The following PARN variants were observed in gnomAD, a reference collection of about 807,000 sequenced individuals.
The protein encoded by PARN is poly(A)-specific ribonuclease PARN.
A neutral mutation model predicts 102.8 loss-of-function variants in PARN; 71 were observed. The observed-to-expected ratio is 0.69, with a 90% CI of 0.57 to 0.84. PARN has a LOEUF of 0.84. PARN is among the 40% of genes least tolerant of loss of function. The pLI is 0.00. For synonymous variants in PARN, 261 were observed against 252.9 expected, an observed-to-expected ratio of 1.03 and a Z score of -0.30; for missense variants, 782 against 760.9, an observed-to-expected ratio of 1.03 and a Z score of -0.33.
intron 18 of PARN, among the ~76,000 whole-genome samples, chr16:14,567,677 C>T (rs1327767219): frequency 1.3e-5 from 2 of 152,186 alleles, no homozygotes; most frequent in Non-Finnish European, 2.9e-5. Context: ...TCCTTCCTGC[C>T]TTCCCTGACC....
chr16:14,572,317 G>A (rs1968860837), intron 18 of PARN, among the ~76,000 whole-genome samples: 1 of 152,078 alleles, frequency 6.6e-6, no homozygotes. Flanking sequence ...GTCCGTTACT[G>A]GCGAGAGGGC....
intron 21 of PARN, among the ~76,000 whole-genome samples, chr16:14,510,466 A>G (rs1965126115): frequency 6.6e-6 from 1 of 152,236 alleles, no homozygotes; most frequent in Admixed American, 6.5e-5. Flanking sequence ...AAGTGCCTAC[A>G]CTGAACCACA....
At chr16:14,563,529 A>ATAT (rs1968229922) in intron 18 of PARN, among the ~76,000 whole-genome samples, 1 of 126,114 alleles carries the variant, frequency 7.9e-6, no homozygotes, top group African/African-American at 3.1e-5. Context: ...TGTGTATATA[A>ATAT]TTCTTTTAAG....
chr16:14,510,751 A>T (rs1965144244), intron 21 of PARN, among the ~76,000 whole-genome samples: 1 of 152,236 alleles, frequency 6.6e-6, no homozygotes. Context: ...CCCAGGACAG[A>T]AGTCCTGCCA....
At chr16:14,453,712 A>C (rs1348284485) in intron 22 of PARN, among the ~76,000 whole-genome samples, 1 of 151,662 alleles carries the variant, frequency 6.6e-6, no homozygotes, top group Non-Finnish European at 1.5e-5. Flanking sequence ...CTTTTGTTTG[A>C]CTCTTTTCAC....
At chr16:14,586,135 C>T (rs1230601344) in intron 14 of PARN, among the ~76,000 whole-genome samples, 183 bp downstream of exon 14, 1 of 151,838 alleles carries the variant, frequency 6.6e-6, no homozygotes, top group Admixed American at 6.6e-5. Flanking sequence ...TCCCACCACA[C>T]CCAGCTAATT....
chr16:14,484,292 G>A (rs1204608368), intron 21 of PARN, among the ~76,000 whole-genome samples: 1 of 152,196 alleles, frequency 6.6e-6, no homozygotes, highest in Non-Finnish European at 1.5e-5. Context: ...GGATCACGAT[G>A]GCGGCATGGG....
At chr16:14,583,295 A>G (rs914255003) in intron 16 of PARN, among the ~76,000 whole-genome samples, 13 of 152,238 alleles carry the variant, frequency 8.5e-5, no homozygotes, top group African/African-American at 3.1e-4. Flanking sequence ...CTGGAAATGA[A>G]TGTCAGGAAG....
intron 18 of PARN, among the ~76,000 whole-genome samples, chr16:14,569,406 G>A (rs987466693): frequency 6.6e-6 from 1 of 152,070 alleles, no homozygotes; most frequent in African/African-American, 2.4e-5. Flanking sequence ...TGGAGATTAT[G>A]ATCTACAGTT....
chr16:14,623,836 CAA>C (rs1245560307), intron 5 of PARN, among the ~76,000 whole-genome samples: 14 of 108,298 alleles, frequency 1.3e-4, no homozygotes, highest in Admixed American at 2.0e-4. Flanking sequence ...GGCTCCATCT[CAA>C]AAAAAAAAAA....
chr16:14,553,898 T>C (rs1445173137), intron 20 of PARN, among the ~76,000 whole-genome samples, 167 bp downstream of exon 20: 1 of 152,222 alleles, frequency 6.6e-6, no homozygotes, highest in Non-Finnish European at 1.5e-5. Flanking sequence ...CAGATGATAT[T>C]AGCACAAAGA....
chr16:14,438,443 G>C (rs539602393), intron 23 of PARN, among the ~76,000 whole-genome samples: 21 of 143,866 alleles, frequency 1.5e-4, no homozygotes, highest in Admixed American at 1.3e-3. Context: ...CCATTAGTTG[G>C]GGGGGGGGGT....
chr16:14,593,922 G>A (rs928065619), intron 12 of PARN, among the ~76,000 whole-genome samples: 11 of 151,818 alleles, frequency 7.2e-5, no homozygotes, highest in African/African-American at 1.9e-4. Flanking sequence ...GCTGGAACCC[G>A]GGAGGCAGAG....
At chr16:14,440,788 C>T (rs1284481195) in intron 23 of PARN, among the ~76,000 whole-genome samples, 2 of 152,158 alleles carry the variant, frequency 1.3e-5, no homozygotes, top group East Asian at 3.8e-4. Context: ...AGGTATATGA[C>T]ATTCTGGAAA....
At chr16:14,444,461 A>G (rs1596427278) in intron 23 of PARN, among the ~76,000 whole-genome samples, 1 of 152,220 alleles carries the variant, frequency 6.6e-6, no homozygotes, top group Non-Finnish European at 1.5e-5. Flanking sequence ...AATAACTTAT[A>G]GAAAGTTTTC....
At chr16:14,527,937 G>C (rs759845037) in intron 21 of PARN, among the ~76,000 whole-genome samples, 2 of 152,198 alleles carry the variant, frequency 1.3e-5, no homozygotes, top group African/African-American at 4.8e-5. Flanking sequence ...AGCTTTGGCT[G>C]GAAGCACATG....
intron 18 of PARN, among the ~76,000 whole-genome samples, chr16:14,563,699 CTTT>C (rs748320042): frequency 7.5e-6 from 1 of 132,670 alleles, no homozygotes. Flanking sequence ...CCGCACCTGG[CTTT>C]TTTTTTTTTT....
rs534594883 is a variant in PARN, at chr16:14,538,750, G to A, written c.1480+13271C>T. On this transcript the variant is annotated intron_variant, in intron 21 of 23. Coordinates refer to ENST00000437198, the MANE Select transcript of PARN (RefSeq NM_002582.4). ...ATGTTCCCTGGCATGTTAGGAACCAGGCTGCACAGCAGGAGATGAGCAGCA... is the reference window on the plus strand; with the variant it reads ...ATGTTCCCTGGCATGTTAGGAACCAAGCTGCACAGCAGGAGATGAGCAGCA... Among the ~76,000 whole-genome samples the A allele has an allele frequency of 1.6e-4, 25 of 152,288 alleles. No homozygotes were observed. The South Asian group carries it at 5.0e-3, about 30-fold the overall frequency.
intron 18 of PARN, among the ~76,000 whole-genome samples, chr16:14,561,799 C>A (rs895665014): frequency 1.3e-5 from 2 of 152,214 alleles, no homozygotes; most frequent in Admixed American, 6.5e-5. Flanking sequence ...CAGAGAAAGA[C>A]CCTGTCTACA....
Sources: allele counts gnomAD v4.1 joint callset (sites outside exome capture counted in the v4.1 genomes callset), GRCh38; gene constraint gnomAD v4.1.1; transcripts MANE v1.5; gene names NCBI Gene and HGNC (gene_info 2026-07-23, HGNC 2026-07-21).